Variants in FRMD4B observed in about 807,000 individuals in gnomAD.
FRMD4B encodes the protein FERM domain containing 4B.
Under a neutral mutation model 141.5 loss-of-function variants are expected in FRMD4B, and 74 were observed. That is an observed-to-expected ratio of 0.52 (90% CI 0.43 to 0.63). The LOEUF is 0.63. Ranked by LOEUF, FRMD4B falls within the 30% of genes least tolerant of loss-of-function variation. The pLI is 0.00. For synonymous variants in FRMD4B, 506 were observed against 467.9 expected, an observed-to-expected ratio of 1.08 and a Z score of -1.05; for missense variants, 1,366 against 1,253.4, an observed-to-expected ratio of 1.09 and a Z score of -1.36.
intron 1 of FRMD4B, among the ~76,000 whole-genome samples, chr3:69,348,856 G>C (rs7633817): frequency 6.6e-6 from 1 of 152,188 alleles, no homozygotes; most frequent in Non-Finnish European, 1.5e-5. Flanking sequence ...GAGCTATTTA[G>C]GACAAACCCA....
chr3:69,382,186 T>A (rs1323443657), intron 1 of FRMD4B, among the ~76,000 whole-genome samples: 5 of 152,188 alleles, frequency 3.3e-5, no homozygotes. Flanking sequence ...ATTACAGGCA[T>A]GTGCCACCAT....
chr3:69,478,416 A>C (rs1160604223), intron 1 of FRMD4B, among the ~76,000 whole-genome samples: 1 of 152,050 alleles, frequency 6.6e-6, no homozygotes, highest in South Asian at 2.1e-4. Context: ...CTTTGTTCTC[A>C]TTGGTTTCAA....
At chr3:69,322,594 CTTTT>C (rs771521331) in intron 1 of FRMD4B, among the ~76,000 whole-genome samples, 4 of 81,396 alleles carry the variant, frequency 4.9e-5, no homozygotes, top group Admixed American at 1.4e-4. Context: ...TTCTCTCTCT[CTTTT>C]TTTTTTTTTT....
At chr3:69,244,802 G>C (rs993397571) in intron 7 of FRMD4B, among the ~76,000 whole-genome samples, 22 of 152,174 alleles carry the variant, frequency 1.4e-4, no homozygotes, top group African/African-American at 5.3e-4. Flanking sequence ...GCTGAGGCAG[G>C]AGAACTGCTT....
chr3:69,185,164 G>C (rs2092751598), intron 19 of FRMD4B, among the ~76,000 whole-genome samples: 1 of 151,966 alleles, frequency 6.6e-6, no homozygotes, highest in Non-Finnish European at 1.5e-5. Context: ...AGCCAGGTGT[G>C]GTGGCAGGCA....
Position 69,456,226 on chromosome 3 carries a change from T to C in FRMD4B, c.-128-23465A>G, listed in dbSNP as rs150592709. Among the ~76,000 whole-genome samples, 212 of 143,458 alleles carry C rather than the reference T, an allele frequency of 1.5e-3. 8 individuals carry two copies. In the East Asian group the frequency reaches 0.041, roughly 28 times the overall value. 94.1% of individuals were successfully genotyped at this position (143,458 alleles called of 152,430 possible). On this transcript the variant is annotated intron_variant, in intron 1 of 5. Transcript: ENST00000459638. Reference sequence around the variant, plus strand: ...ACTTTCATTTCACTTTGTCAATTCATGAAACTCAAAGTGTTTGCACAAAGT... The same window carrying C: ...ACTTTCATTTCACTTTGTCAATTCACGAAACTCAAAGTGTTTGCACAAAGT...
At chr3:69,339,302 G>T (rs4855309) in intron 1 of FRMD4B, among the ~76,000 whole-genome samples, 67,462 of 151,986 alleles carry the variant, frequency 0.44, 15,510 homozygotes, top group Admixed American at 0.51. Flanking sequence ...CCACATGTGG[G>T]GAGGCGACAC....
intron 1 of FRMD4B, among the ~76,000 whole-genome samples, chr3:69,532,771 G>T (rs1559555177): frequency 1.3e-5 from 2 of 152,200 alleles, no homozygotes; most frequent in Non-Finnish European, 2.9e-5. Flanking sequence ...GAATTGATGG[G>T]ATGGGCTCAG....
At chr3:69,463,815 T>C (rs1161792832) in intron 1 of FRMD4B, among the ~76,000 whole-genome samples, 1 of 152,146 alleles carries the variant, frequency 6.6e-6, no homozygotes, top group Non-Finnish European at 1.5e-5. Context: ...GACAAGGAAA[T>C]TTGCAAAAGG....
At chr3:69,496,598 T>C (rs1706391921) in intron 1 of FRMD4B, among the ~76,000 whole-genome samples, 1 of 120,536 alleles carries the variant, frequency 8.3e-6, no homozygotes, top group Middle Eastern at 7.5e-3. Context: ...AGGTGAAAGA[T>C]GAAAGAGAGA....
Position 69,259,198 on chromosome 3 carries a change from C to T in FRMD4B, c.502-9099G>A, listed in dbSNP as rs2093511093. Among the ~76,000 whole-genome samples the T allele has an allele frequency of 3.3e-5, 5 of 152,182 alleles. No individual in the cohort carries two copies. In the South Asian group the frequency reaches 1.0e-3, roughly 31 times the overall value. ...TAGATTCTCAAAAGGAGTAGGCAAC[C>T]TAGATTCCGTGCATGTGCAGTTCAC... On this transcript the variant is annotated intron_variant, in intron 5 of 22. Coordinates refer to ENST00000398540, the MANE Select transcript of FRMD4B (RefSeq NM_015123.3).
Position 69,385,972 on chromosome 3 carries a change from C to A in FRMD4B, c.18G>T (p.Met6Ile). Residue 6 changes from methionine to isoleucine, a missense_variant, in exon 1 of 23, where the codon ATG (methionine) becomes ATT (isoleucine). Coordinates refer to ENST00000398540, the MANE Select transcript of FRMD4B (RefSeq NM_015123.3). Reference sequence around the variant, plus strand: ...TGAACAGCAGGTCCTCCACGCCACACATGAACACCGAAGCCATGCCTCCTC... The same window carrying A: ...TGAACAGCAGGTCCTCCACGCCACAAATGAACACCGAAGCCATGCCTCCTC... MASVFMCGVEDLLFSG... is the reference protein window; with the variant it reads MASVFICGVEDLLFSG... 6.2e-7 allele frequency: 1 copy of A among 1,600,490 alleles called. No homozygotes were observed. Among genetic ancestry groups the A allele is most frequent in the Non-Finnish European group, 8.5e-7 (1 of 1,173,326 alleles).
At chr3:69,332,553 C>T (rs1702403026) in intron 1 of FRMD4B, among the ~76,000 whole-genome samples, 1 of 151,966 alleles carries the variant, frequency 6.6e-6, no homozygotes, top group Non-Finnish European at 1.5e-5. Context: ...AGACAAGACT[C>T]CTGATGGGAG....
At chr3:69,422,590 T>C (rs950311367) in intron 2 of FRMD4B, among the ~76,000 whole-genome samples, 5 of 152,108 alleles carry the variant, frequency 3.3e-5, no homozygotes, top group Non-Finnish European at 7.4e-5. Flanking sequence ...AGACAGTAAA[T>C]ATTTTCAGCT....
chr3:69,341,898 C>T (rs935303968), intron 1 of FRMD4B, among the ~76,000 whole-genome samples: 1 of 152,186 alleles, frequency 6.6e-6, no homozygotes, highest in Non-Finnish European at 1.5e-5. Flanking sequence ...AAATAAATTT[C>T]TGCTCTTTAT....
intron 5 of FRMD4B, among the ~76,000 whole-genome samples, chr3:69,252,085 A>T (rs941437997): frequency 2.0e-5 from 3 of 152,314 alleles, no homozygotes; most frequent in Non-Finnish European, 4.4e-5. Context: ...ACATCCCACG[A>T]CCCACCTTTG....
intron 1 of FRMD4B, among the ~76,000 whole-genome samples, chr3:69,500,946 TG>T (rs1354064108): frequency 1.3e-5 from 2 of 152,170 alleles, no homozygotes; most frequent in Non-Finnish European, 2.9e-5. Flanking sequence ...GGCACACGCA[TG>T]TACACACGCC....
chr3:69,394,275 C>T (rs1453023785), intron 2 of FRMD4B, among the ~76,000 whole-genome samples: 1 of 152,306 alleles, frequency 6.6e-6, no homozygotes, highest in Admixed American at 6.5e-5. Flanking sequence ...ACCATGGGGA[C>T]CCCCAGGCCC....
chr3:69,495,493 G>A (rs532077535), intron 1 of FRMD4B, among the ~76,000 whole-genome samples: 4 of 152,244 alleles, frequency 2.6e-5, no homozygotes, highest in East Asian at 3.9e-4. Context: ...ACTCTCTATC[G>A]TTGGCTTCAC....
Sources: gnomAD v4.1 joint callset for allele counts (sites outside exome capture counted in the v4.1 genomes callset) on GRCh38, gnomAD v4.1.1 for gene constraint, MANE v1.5 for transcripts, NCBI Gene and HGNC (gene_info 2026-07-23, HGNC 2026-07-21) for gene names.